The following SLCO5A1 variants were observed in gnomAD, a reference collection of about 807,000 sequenced individuals.
The protein encoded by SLCO5A1 is organic anion transporter polypeptide-related protein 4.
A neutral mutation model predicts 65.1 loss-of-function variants in SLCO5A1; 39 were observed. That is an observed-to-expected ratio of 0.60 (90% CI 0.46 to 0.78). The LOEUF (loss-of-function observed/expected upper bound fraction) is 0.78. Ranked by LOEUF, SLCO5A1 falls within the 30% of genes least tolerant of loss-of-function variation. The pLI is 0.00. For synonymous variants in SLCO5A1, 438 were observed against 415.7 expected (o/e 1.05, Z -0.65); for missense variants, 1,029 against 1,069.4 (o/e 0.96, Z 0.53).
In SLCO5A1 at chr8:69,833,628, A is replaced by G. The variant is rs1051810760; in HGVS notation, c.-496-459T>C. ...CCCTGTCCCAATTTTTCTAAAAGGA[A>G]AAAAGAAGGTGGGGGTAAACTACGT... On this transcript the variant is annotated intron_variant, in intron 1 of 9. Transcript: ENST00000260126. The G allele has an allele frequency of 3.9e-5, 6 of 152,368 alleles. No homozygotes were observed. In the East Asian group the frequency reaches 9.6e-4, roughly 24 times the overall value. 9.4% of individuals were successfully genotyped at this position (152,368 alleles called of 1,614,324 possible). A position where few individuals can be genotyped will look rare whatever the true frequency, so the allele number is the denominator to read the frequency against.
At chr8:69,761,581 G>A (rs1052407699) in intron 3 of SLCO5A1, 162 bp downstream of exon 3, 14 of 670,980 alleles carry the variant, frequency 2.1e-5, no homozygotes, top group African/African-American at 5.5e-5. Context: ...GGATTAGGAC[G>A]TAGCTTTCTT....
chr8:69,710,113 G>A (rs1421854895), intron 5 of SLCO5A1, among the ~76,000 whole-genome samples: 2 of 149,124 alleles, frequency 1.3e-5, no homozygotes, highest in Non-Finnish European at 3.0e-5. Context: ...CCGCCTCCCA[G>A]GTTCAAGTGA....
chr8:69,784,918 GA>G (rs1305414484), intron 2 of SLCO5A1, among the ~76,000 whole-genome samples: 10 of 116,260 alleles, frequency 8.6e-5, no homozygotes, highest in African/African-American at 1.9e-4. Context: ...AAGAAAGAAA[GA>G]AAGAAAGAAA....
chr8:69,722,364 C>G (rs1356175170), intron 5 of SLCO5A1, among the ~76,000 whole-genome samples: 1 of 152,082 alleles, frequency 6.6e-6, no homozygotes, highest in Non-Finnish European at 1.5e-5. Flanking sequence ...CAGGTATTAT[C>G]TCCTTATACA....
At chr8:69,674,706 G>A (rs1237712361) in intron 9 of SLCO5A1, among the ~76,000 whole-genome samples, 1 of 151,868 alleles carries the variant, frequency 6.6e-6, no homozygotes, top group East Asian at 1.9e-4. Context: ...CATCAGAGAG[G>A]GGCAAAGCAA....
chr8:69,706,703 A>G (rs1285373564), intron 5 of SLCO5A1, among the ~76,000 whole-genome samples: 3 of 152,240 alleles, frequency 2.0e-5, no homozygotes, highest in Non-Finnish European at 2.9e-5. Flanking sequence ...ACTGTGAGAA[A>G]TAAATTTCTG....
intron 2 of SLCO5A1, among the ~76,000 whole-genome samples, chr8:69,811,432 A>G (rs888962162): frequency 1.3e-5 from 2 of 152,172 alleles, no homozygotes; most frequent in Non-Finnish European, 2.9e-5. Flanking sequence ...GACTCTCCAG[A>G]CACAAGGAAG....
At chr8:69,682,130 T>A (rs1813809711) in intron 7 of SLCO5A1, 54 bp downstream of exon 7, 1 of 1,557,442 alleles carries the variant, frequency 6.4e-7, no homozygotes, top group Non-Finnish European at 8.7e-7. Flanking sequence ...TTTCATCACA[T>A]CCTTGTCACA....
intron 2 of SLCO5A1, among the ~76,000 whole-genome samples, chr8:69,789,467 T>G (rs1226292495): frequency 6.6e-6 from 1 of 152,164 alleles, no homozygotes; most frequent in Non-Finnish European, 1.5e-5. Flanking sequence ...CTATGTGGAA[T>G]CATAAAAAGA....
intron 2 of SLCO5A1, among the ~76,000 whole-genome samples, chr8:69,803,196 A>G (rs1336573194): frequency 6.6e-6 from 1 of 152,172 alleles, no homozygotes; most frequent in East Asian, 1.9e-4. Flanking sequence ...CGGGTGGATC[A>G]TCTGAGGTTG....
intron 5 of SLCO5A1, among the ~76,000 whole-genome samples, chr8:69,709,982 T>C (rs1329774400): frequency 6.6e-6 from 1 of 150,468 alleles, no homozygotes; most frequent in Non-Finnish European, 1.5e-5. Context: ...GTGTTCATCC[T>C]GTAATCCTCA....
intron 2 of SLCO5A1, among the ~76,000 whole-genome samples, chr8:69,766,120 C>A (rs1167996389): frequency 6.6e-6 from 1 of 152,158 alleles, no homozygotes; most frequent in Non-Finnish European, 1.5e-5. Flanking sequence ...GCATCCAGCC[C>A]CTTCTCACCT....
chr8:69,694,553 C>T (rs150445952), intron 6 of SLCO5A1, among the ~76,000 whole-genome samples: 244 of 152,330 alleles, frequency 1.6e-3, no homozygotes, highest in African/African-American at 5.4e-3. Context: ...TTGTACACTG[C>T]ACAAGGGCAC....
chr8:69,767,774 C>T (rs886628204), intron 2 of SLCO5A1, among the ~76,000 whole-genome samples: 1 of 150,834 alleles, frequency 6.6e-6, no homozygotes, highest in African/African-American at 2.4e-5. Flanking sequence ...CCTGTAGTCC[C>T]AGCTACTCAG....
intron 2 of SLCO5A1, among the ~76,000 whole-genome samples, chr8:69,810,787 C>G (rs182697740): frequency 2.0e-5 from 3 of 152,116 alleles, no homozygotes; most frequent in Non-Finnish European, 4.4e-5. Flanking sequence ...TAAAAGAAAT[C>G]TAAAATTTCC....
chr8:69,685,653 A>G (rs975335749), intron 6 of SLCO5A1, among the ~76,000 whole-genome samples: 1 of 152,130 alleles, frequency 6.6e-6, no homozygotes, highest in Non-Finnish European at 1.5e-5. Flanking sequence ...AAAATCATGG[A>G]ATTACAGAGC....
chr8:69,718,228 T>G (rs1250552234), intron 5 of SLCO5A1, among the ~76,000 whole-genome samples: 1 of 152,254 alleles, frequency 6.6e-6, no homozygotes, highest in East Asian at 1.9e-4. Flanking sequence ...TTTTTGTATA[T>G]TGATCTTGTA....
At chr8:69,753,261 C>G (rs1396662050) in intron 4 of SLCO5A1, among the ~76,000 whole-genome samples, 2 of 152,134 alleles carry the variant, frequency 1.3e-5, no homozygotes, top group Non-Finnish European at 2.9e-5. Flanking sequence ...GAATTGCCTA[C>G]CCCAAGAGGG....
chr8:69,673,482 A>G (rs1215290320), intron 9 of SLCO5A1, among the ~76,000 whole-genome samples, 156 bp from the exon 10 acceptor site: 1 of 152,184 alleles, frequency 6.6e-6, no homozygotes, highest in Non-Finnish European at 1.5e-5. Context: ...ATCATATTTT[A>G]TCACAATATA....
Sources: gnomAD v4.1 joint callset for allele counts (sites outside exome capture counted in the v4.1 genomes callset) on GRCh38, gnomAD v4.1.1 for gene constraint, MANE v1.5 for transcripts, NCBI Gene and HGNC (gene_info 2026-07-23, HGNC 2026-07-21) for gene names.